TOMM20L: variants seen among roughly 807,000 people sequenced by gnomAD.
TOMM20L encodes the protein TOMM20-like protein 1.
A neutral mutation model predicts 20.4 loss-of-function variants in TOMM20L; 19 were observed. That is an observed-to-expected ratio of 0.93 (90% CI 0.65 to 1.36). The LOEUF (loss-of-function observed/expected upper bound fraction) is 1.36. TOMM20L is among the 40% of genes most tolerant of loss of function. TOMM20L has a pLI of 0.00. For synonymous variants in TOMM20L, 75 were observed against 79.6 expected (o/e 0.94, Z 0.30); for missense variants, 218 against 203.7 (o/e 1.07, Z -0.43).
intron 4 of TOMM20L, 79 bp from the exon 5 acceptor site, chr14:58,408,450 C>A: frequency 3.1e-6 from 4 of 1,306,006 alleles, no homozygotes; most frequent in Non-Finnish European, 4.4e-6. Flanking sequence ...ATATGTAATG[C>A]CCACCCTGAC....
chr14:58,414,879 C>T, the TOMM20L span, among the ~76,000 whole-genome samples: 1 of 152,156 alleles, frequency 6.6e-6, no homozygotes, highest in Non-Finnish European at 1.5e-5. Flanking sequence ...GGGAGCCTGG[C>T]TTTCCACCCC....
At chr14:58,414,086 A>G in the TOMM20L span, among the ~76,000 whole-genome samples, 1 of 150,490 alleles carries the variant, frequency 6.6e-6, no homozygotes, top group African/African-American at 2.4e-5. Flanking sequence ...CAGCATGTAA[A>G]AGGAAAACAT....
intron 1 of TOMM20L, 62 bp downstream of exon 1, chr14:58,396,155 G>A (rs1475540128): frequency 7.8e-7 from 1 of 1,285,038 alleles, no homozygotes; most frequent in Non-Finnish European, 9.9e-7. Flanking sequence ...TGCCGGCCGG[G>A]AGGGCCCCCC....
chr14:58,416,882 A>AG, the TOMM20L span, among the ~76,000 whole-genome samples: 6 of 152,036 alleles, frequency 3.9e-5, no homozygotes, highest in African/African-American at 1.4e-4. Flanking sequence ...CTGAGGTGGG[A>AG]GAATTCCTTG....
At chr14:58,416,054 G>GA in the TOMM20L span, among the ~76,000 whole-genome samples, 11,674 of 121,996 alleles carry the variant, frequency 0.096, 589 homozygotes, top group African/African-American at 0.15. Flanking sequence ...CGTCCCTACT[G>GA]AAAAAAAAAA....
chr14:58,402,618 T>G, intron 2 of TOMM20L, 62 bp from the exon 3 acceptor site: 1 of 1,280,538 alleles, frequency 7.8e-7, no homozygotes, highest in South Asian at 1.2e-5. Flanking sequence ...AAAAATAATT[T>G]GATCAGTAGC....
intron 2 of TOMM20L, among the ~76,000 whole-genome samples, chr14:58,399,887 T>C (rs2035970826): frequency 3.5e-5 from 2 of 57,754 alleles, no homozygotes; most frequent in South Asian, 6.1e-4. Context: ...CTCTATTGCA[T>C]ATATATATAT....
chr14:58,412,134 T>C (rs914038755), downstream of TOMM20L: 3 of 542,102 alleles, frequency 5.5e-6, no homozygotes, highest in African/African-American at 3.8e-5. Flanking sequence ...AACCTTACAG[T>C]TGAGAATTAG....
downstream of TOMM20L, among the ~76,000 whole-genome samples, chr14:58,413,293 C>G (rs541840720): frequency 6.8e-4 from 104 of 152,272 alleles, no homozygotes; most frequent in Middle Eastern, 3.4e-3. Flanking sequence ...AAATTAGTTG[C>G]TAATTTAACT....
downstream of TOMM20L, chr14:58,409,308 C>G (rs2036132966): frequency 2.3e-6 from 2 of 885,008 alleles, no homozygotes; most frequent in African/African-American, 1.7e-5. Flanking sequence ...TTGGCAGCAA[C>G]TGACCATAGC....
intron 3 of TOMM20L, among the ~76,000 whole-genome samples, chr14:58,405,335 A>T (rs2036044742): frequency 6.6e-6 from 1 of 152,166 alleles, no homozygotes; most frequent in Admixed American, 6.6e-5. Flanking sequence ...AAATTGTGGG[A>T]AAGAAAGTTC....
downstream of TOMM20L, chr14:58,411,950 T>G: frequency 6.2e-7 from 1 of 1,613,544 alleles, no homozygotes. Context: ...AGCCATATTC[T>G]TCTGGTACCT....
rs1247086329 is a variant in TOMM20L at position 58,408,432 on chromosome 14, A to C, written c.406-97A>C. On this transcript the variant is annotated intron_variant, in intron 4 of 4. Transcript: ENST00000360945. ...AACTCCGTCTCAAAAAAAAAAAAAAAGAAAAGTATATGTAATGCCCACCCT... is the reference window on the plus strand; with the variant it reads ...AACTCCGTCTCAAAAAAAAAAAAAACGAAAAGTATATGTAATGCCCACCCT... 1.6e-5 allele frequency: 18 copies of C among 1,117,856 alleles called. No individual in the cohort carries two copies. The South Asian group carries it at 2.6e-4, about 16-fold the overall frequency. 69.2% of individuals were successfully genotyped at this position (1,117,856 alleles called of 1,614,324 possible). A position where few individuals can be genotyped will look rare whatever the true frequency, so the allele number is the denominator to read the frequency against.
chr14:58,407,580 A>T, intron 4 of TOMM20L, 112 bp downstream of exon 4: 1 of 1,234,914 alleles, frequency 8.1e-7, no homozygotes, highest in Non-Finnish European at 1.1e-6. Flanking sequence ...ATCTTAAATA[A>T]GTGAAATCTC....
At chr14:58,396,165 C>G in intron 1 of TOMM20L, 72 bp downstream of exon 1, 1 of 1,330,046 alleles carries the variant, frequency 7.5e-7, no homozygotes, top group Non-Finnish European at 9.7e-7. Flanking sequence ...GAGGGCCCCC[C>G]ACTGAGAGGC....
chr14:58,415,033 G>T, the TOMM20L span, among the ~76,000 whole-genome samples: 1 of 152,326 alleles, frequency 6.6e-6, no homozygotes, highest in South Asian at 2.1e-4. Context: ...CACATGGGGA[G>T]AGTAACAAAG....
chr14:58,415,166 G>C, the TOMM20L span, among the ~76,000 whole-genome samples: 215 of 152,276 alleles, frequency 1.4e-3, 2 homozygotes, highest in African/African-American at 4.7e-3. Flanking sequence ...GAGTGAGGAA[G>C]ATGAATTTCT....
intron 2 of TOMM20L, among the ~76,000 whole-genome samples, chr14:58,399,285 A>G (rs886190684): frequency 2.4e-4 from 37 of 152,154 alleles, no homozygotes; most frequent in Admixed American, 2.3e-3. Flanking sequence ...ACTTTCCCAA[A>G]GTATGGTCCA....
chr14:58,411,872 TGCAAAA>T (rs1595010166), downstream of TOMM20L: 1 of 1,607,480 alleles, frequency 6.2e-7, no homozygotes, highest in Admixed American at 1.7e-5. Context: ...TACATTTTTT[TGCAAAA>T]TCTTTTCCCC....
Sources: allele counts gnomAD v4.1 joint callset (sites outside exome capture counted in the v4.1 genomes callset), GRCh38; gene constraint gnomAD v4.1.1; transcripts MANE v1.5; gene names NCBI Gene and HGNC (gene_info 2026-07-23, HGNC 2026-07-21).